MACROD1: variants seen among roughly 807,000 people sequenced by gnomAD.
MACROD1 encodes the protein ADP-ribose glycohydrolase MACROD1.
Under a neutral mutation model 41.4 loss-of-function variants are expected in MACROD1, and 31 were observed. That is an observed-to-expected ratio of 0.75 (90% CI 0.56 to 1.01). The LOEUF (loss-of-function observed/expected upper bound fraction) is 1.01. MACROD1 is among the 50% of genes least tolerant of loss of function. The pLI is 0.00. For missense variants in MACROD1, 473 were observed against 460.0 expected (o/e 1.03, Z -0.26); for synonymous variants, 252 against 203.4 (o/e 1.24, Z -2.03).
In MACROD1 at chr11:64,166,082, G is replaced by A. The variant is rs1049396241; in HGVS notation, c.-88C>T. 5.9e-5 allele frequency: 72 copies of A among 1,218,570 alleles called. No homozygotes were observed. Among genetic ancestry groups the A allele is most frequent in the Non-Finnish European group, 7.2e-5 (70 of 977,050 alleles). 75.5% of individuals were successfully genotyped at this position (1,218,570 alleles called of 1,614,324 possible). On this transcript the variant is annotated 5_prime_UTR_variant, in exon 1 of 11. Transcript: ENST00000255681. ...CTCTCCCTTATTTACTCTGGGACCGGGTGGCGACTGCCAGCCAGCGGCGAC... is the reference window on the plus strand; with the variant it reads ...CTCTCCCTTATTTACTCTGGGACCGAGTGGCGACTGCCAGCCAGCGGCGAC...
intron 3 of MACROD1, among the ~76,000 whole-genome samples, chr11:64,147,151 G>A (rs1241431661): frequency 1.3e-5 from 2 of 151,896 alleles, no homozygotes; most frequent in Middle Eastern, 3.4e-3. Flanking sequence ...CTGCAGCCTC[G>A]ACCTCCCAGG....
At chr11:64,062,287 G>A (rs1408237954) in intron 3 of MACROD1, among the ~76,000 whole-genome samples, 1 of 152,126 alleles carries the variant, frequency 6.6e-6, no homozygotes, top group Non-Finnish European at 1.5e-5. Context: ...CTCAGTAAAT[G>A]CATCTATCAG....
chr11:64,158,136 G>A (rs577385523), intron 1 of MACROD1, among the ~76,000 whole-genome samples: 15 of 152,294 alleles, frequency 9.8e-5, no homozygotes, highest in Admixed American at 5.2e-4. Context: ...GAAATCCCAC[G>A]GGGGCTGAAA....
chr11:64,097,968 G>A, intron 3 of MACROD1, among the ~76,000 whole-genome samples: 1 of 152,040 alleles, frequency 6.6e-6, no homozygotes, highest in East Asian at 1.9e-4. Flanking sequence ...ACCCAGGCCT[G>A]TCTTCAGGGA....
rs2134520086 is a variant in MACROD1, at chr11:64,090,310, T to C, written c.517+60929A>G. Among the ~76,000 whole-genome samples, 1 of 152,304 alleles carries C rather than the reference T, an allele frequency of 6.6e-6. No homozygotes were observed. The highest frequency in any genetic ancestry group is 1.5e-5 in the Non-Finnish European group (1 of 68,008). On this transcript the variant is annotated intron_variant, in intron 3 of 10. Coordinates refer to ENST00000255681, the MANE Select transcript of MACROD1 (RefSeq NM_014067.4). The surrounding 1 kb of genome is among the most constrained non-coding windows in gnomAD (Gnocchi z 4.7). Reference sequence around the variant, plus strand: ...CTTTTCCCGTCTGGGAGTCTAATAGTCAGCAGTTATTTATCGTCTCGTTTC... The same window carrying C: ...CTTTTCCCGTCTGGGAGTCTAATAGCCAGCAGTTATTTATCGTCTCGTTTC...
intron 3 of MACROD1, among the ~76,000 whole-genome samples, chr11:64,092,844 G>A (rs945470802): frequency 4.6e-5 from 7 of 152,224 alleles, no homozygotes; most frequent in Non-Finnish European, 2.9e-5. Context: ...AGGTTAACAC[G>A]TGTCACCAAA....
chr11:64,073,018 C>T (rs954798425), intron 3 of MACROD1, among the ~76,000 whole-genome samples: 1 of 152,226 alleles, frequency 6.6e-6, no homozygotes, highest in African/African-American at 2.4e-5. Flanking sequence ...GACCCACCCA[C>T]AGGCAGCCAG....
intron 3 of MACROD1, among the ~76,000 whole-genome samples, chr11:64,111,592 G>A (rs1944863719): frequency 6.6e-6 from 1 of 152,214 alleles, no homozygotes; most frequent in African/African-American, 2.4e-5. Context: ...CAGGCTGCTG[G>A]GCTGTGAAAT....
chr11:64,073,206 C>A (rs932793484), intron 3 of MACROD1, among the ~76,000 whole-genome samples: 9 of 152,244 alleles, frequency 5.9e-5, no homozygotes, highest in Admixed American at 3.3e-4. Flanking sequence ...CTAAGTTTAC[C>A]CCCTCATCCG....
At chr11:64,066,385 G>T (rs1944006580) in intron 3 of MACROD1, among the ~76,000 whole-genome samples, 1 of 151,754 alleles carries the variant, frequency 6.6e-6, no homozygotes, top group Non-Finnish European at 1.5e-5. Context: ...GGCCGAGGTG[G>T]TAGGATCACT....
intron 3 of MACROD1, among the ~76,000 whole-genome samples, chr11:64,041,820 G>A (rs1943492714): frequency 6.6e-6 from 1 of 152,176 alleles, no homozygotes; most frequent in South Asian, 2.1e-4. Flanking sequence ...GGGGGTGGGT[G>A]TCTGGCCCTA....
At chr11:64,134,628 T>C (rs1245374307) in intron 3 of MACROD1, among the ~76,000 whole-genome samples, 1 of 152,030 alleles carries the variant, frequency 6.6e-6, no homozygotes, top group East Asian at 1.9e-4. Context: ...GGACAGCACC[T>C]GAGGAAGCAC....
At chr11:64,162,994 G>A (rs59198765) in intron 1 of MACROD1, among the ~76,000 whole-genome samples, 16,673 of 151,816 alleles carry the variant, frequency 0.11, 1,149 homozygotes, top group Non-Finnish European at 0.16. Context: ...GATGGCACGC[G>A]TCTGTAATCC....
At chr11:64,138,315 C>T (rs774329601) in intron 3 of MACROD1, among the ~76,000 whole-genome samples, 23 of 152,360 alleles carry the variant, frequency 1.5e-4, no homozygotes, top group Admixed American at 1.0e-3. Flanking sequence ...TCTCCTCCCG[C>T]GCAAACATAC....
Position 64,000,450 on chromosome 11 carries a change from GCCGCGCCCCAACC to G in MACROD1, c.548-120_548-108del, listed in dbSNP as rs949015473. On this transcript the variant is annotated intron_variant, in intron 4 of 10. Transcript: ENST00000255681. ...TCGGCGATGCGAGGACCCATGCGGA[GCCGCGCCCCAACC>G]CCGTGGCCTCCGGCCGCGGCCGCTG... is the stretch of plus-strand genomic sequence containing the variant. 33 of 676,116 alleles carry G rather than the reference GCCGCGCCCCAACC, an allele frequency of 4.9e-5. No individual in the cohort carries two copies. The Middle Eastern group carries it at 1.3e-3, about 27-fold the overall frequency. The allele number at this position is 676,116 out of a possible 1,614,324, so 41.9% of individuals were successfully genotyped here. A position where few individuals can be genotyped will look rare whatever the true frequency, so the allele number is the denominator to read the frequency against.
chr11:64,010,462 C>T (rs1487628444), intron 4 of MACROD1, among the ~76,000 whole-genome samples: 7 of 114,344 alleles, frequency 6.1e-5, no homozygotes, highest in African/African-American at 1.0e-4. Context: ...GGGGTGCTGG[C>T]TGGCATGTTG....
intron 3 of MACROD1, among the ~76,000 whole-genome samples, chr11:64,054,601 C>G (rs76873326): frequency 0.028 from 4,337 of 152,240 alleles, 203 homozygotes; most frequent in African/African-American, 0.097. Context: ...GGGCAAGCCA[C>G]GGTTCCTGGG....
intron 3 of MACROD1, among the ~76,000 whole-genome samples, chr11:64,079,289 G>A (rs1590877599): frequency 6.6e-6 from 1 of 152,130 alleles, no homozygotes; most frequent in Non-Finnish European, 1.5e-5. Context: ...TGTGCAGCTG[G>A]CGCTGCAGAT....
intron 3 of MACROD1, chr11:64,148,634 T>A (rs1304729052): frequency 1.4e-6 from 1 of 715,796 alleles, no homozygotes; most frequent in Admixed American, 6.3e-5. Flanking sequence ...TCAAGTCAAA[T>A]AGAATTTAAT....
Sources: gnomAD v4.1 joint callset for allele counts (sites outside exome capture counted in the v4.1 genomes callset) on GRCh38, gnomAD v4.1.1 for gene constraint, Gnocchi (gnomAD v3.1) non-coding constraint, MANE v1.5 for transcripts, NCBI Gene and HGNC (gene_info 2026-07-23, HGNC 2026-07-21) for gene names.